STK3: variants seen among roughly 807,000 people sequenced by gnomAD.
STK3 encodes the protein serine/threonine kinase 3, also known as serine/threonine-protein kinase 3.
Under a neutral mutation model 58.0 loss-of-function variants are expected in STK3, and 41 were observed. The ratio of observed to expected loss-of-function variants is 0.71; its 90% CI spans 0.55 to 0.92. The LOEUF is 0.92. Ranked by LOEUF, STK3 falls within the 40% of genes least tolerant of loss-of-function variation. STK3 has a pLI of 0.00. For missense variants in STK3, 479 were observed against 602.7 expected, an observed-to-expected ratio of 0.79 and a Z score of 2.15; for synonymous variants, 170 against 191.0, an observed-to-expected ratio of 0.89 and a Z score of 0.91.
At chr8:98,857,496 T>C (rs1160288360) in intron 3 of STK3, among the ~76,000 whole-genome samples, 1 of 152,094 alleles carries the variant, frequency 6.6e-6, no homozygotes, top group Non-Finnish European at 1.5e-5. Context: ...GTATTTGCCT[T>C]ATTAACAAAT....
chr8:98,744,076 AAAC>A (rs1829459338), intron 4 of STK3, among the ~76,000 whole-genome samples: 1 of 152,038 alleles, frequency 6.6e-6, no homozygotes. Flanking sequence ...AAAAGTCAGG[AAAC>A]AACAGGTGCT....
At chr8:98,427,874 T>G in intron 3 of STK3, 8 of 883,492 alleles carry the variant, frequency 9.1e-6, no homozygotes, top group South Asian at 1.8e-5. Flanking sequence ...CAGTAATGGG[T>G]AGGGAGAGGG....
intron 6 of STK3, among the ~76,000 whole-genome samples, chr8:98,617,279 A>T (rs560678806): frequency 6.9e-6 from 1 of 144,274 alleles, no homozygotes; most frequent in Non-Finnish European, 1.5e-5. Flanking sequence ...ACAAAGACAC[A>T]ACATACCAGA....
At chr8:98,369,041 G>A (rs926988868), downstream of STK3, among the ~76,000 whole-genome samples, 1 of 152,190 alleles carries the variant, frequency 6.6e-6, no homozygotes, top group Non-Finnish European at 1.5e-5. Flanking sequence ...TCCAGTGGAA[G>A]TTTTCTGCTC....
In STK3 at chr8:98,483,926, C is replaced by T. The variant is rs923361955; in HGVS notation, c.1318-27926G>A. Among the ~76,000 whole-genome samples the T allele has an allele frequency of 3.3e-5, 5 of 152,116 alleles. No homozygotes were observed. In the East Asian group the frequency reaches 7.7e-4, roughly 24 times the overall value. ...ACACAGGAGTGTGTTTGAACACAGA[C>T]GGGTAGGACAGTCTCCAAAAAGCTA... On this transcript the variant is annotated intron_variant, in intron 10 of 10. Coordinates refer to ENST00000419617, the MANE Select transcript of STK3 (RefSeq NM_006281.4).
At chr8:98,933,326 G>A (rs577420340) in intron 1 of STK3, among the ~76,000 whole-genome samples, 38 of 152,208 alleles carry the variant, frequency 2.5e-4, no homozygotes, top group Non-Finnish European at 4.4e-4. Flanking sequence ...TATACAGACC[G>A]AAAAACATTA....
chr8:98,402,088 C>G (rs1446104910), intron 3 of STK3, among the ~76,000 whole-genome samples: 1 of 152,154 alleles, frequency 6.6e-6, no homozygotes, highest in African/African-American at 2.4e-5. Flanking sequence ...TATACTTCCC[C>G]AGGTATAATT....
At chr8:98,938,689 C>T (rs1475708460) in intron 1 of STK3, among the ~76,000 whole-genome samples, 1 of 152,096 alleles carries the variant, frequency 6.6e-6, no homozygotes, top group Non-Finnish European at 1.5e-5. Context: ...CTGGCCCACC[C>T]GTGGTCCCTC....
At chr8:98,690,449 CAA>C (rs34742964) in intron 6 of STK3, among the ~76,000 whole-genome samples, 1 of 108,776 alleles carries the variant, frequency 9.2e-6, no homozygotes, top group African/African-American at 3.5e-5. Flanking sequence ...CAATTCCTAC[CAA>C]AAAAAAAAAA....
intron 6 of STK3, among the ~76,000 whole-genome samples, chr8:98,700,210 C>G (rs553376903): frequency 3.3e-5 from 5 of 152,194 alleles, no homozygotes; most frequent in Non-Finnish European, 7.3e-5. Flanking sequence ...TTTTTTAAGC[C>G]CCTCGGAAAA....
intron 6 of STK3, among the ~76,000 whole-genome samples, chr8:98,603,721 A>C (rs1429606757): frequency 6.6e-6 from 1 of 151,996 alleles, no homozygotes; most frequent in Admixed American, 6.6e-5. Flanking sequence ...TCTCATGTTG[A>C]AATGTGGTCC....
intron 7 of STK3, among the ~76,000 whole-genome samples, chr8:98,592,045 T>C (rs192052298): frequency 6.6e-6 from 1 of 152,218 alleles, no homozygotes; most frequent in East Asian, 1.9e-4. Flanking sequence ...CCTTAACAAT[T>C]CACACCTGTA....
intron 4 of STK3, among the ~76,000 whole-genome samples, chr8:98,732,050 A>C (rs1465007946): frequency 6.6e-6 from 1 of 152,166 alleles, no homozygotes; most frequent in Non-Finnish European, 1.5e-5. Context: ...TAATCAAAAG[A>C]GTTCTTGTAA....
intron 1 of STK3, among the ~76,000 whole-genome samples, chr8:98,795,773 C>T (rs776088549): frequency 2.0e-5 from 3 of 151,796 alleles, no homozygotes; most frequent in South Asian, 2.1e-4. Flanking sequence ...GTCAAGAACA[C>T]GATCCCATTT....
At chr8:98,714,764 C>A (rs1826857593) in intron 4 of STK3, among the ~76,000 whole-genome samples, 1 of 152,150 alleles carries the variant, frequency 6.6e-6, no homozygotes, top group Non-Finnish European at 1.5e-5. Flanking sequence ...ACTTTCTTCA[C>A]AGAATTGGAA....
chr8:98,887,844 C>T (rs1838048242), intron 1 of STK3, among the ~76,000 whole-genome samples: 1 of 152,178 alleles, frequency 6.6e-6, no homozygotes, highest in Non-Finnish European at 1.5e-5. Flanking sequence ...GACAAAGTAC[C>T]ACAAAGCCAA....
intron 2 of STK3, among the ~76,000 whole-genome samples, chr8:98,375,018 T>C (rs1586541039): frequency 6.6e-6 from 1 of 151,902 alleles, no homozygotes; most frequent in East Asian, 1.9e-4. Flanking sequence ...GGTGGGAGGA[T>C]CACTGGAGCC....
chr8:98,919,520 C>T (rs1321070560), intron 1 of STK3, among the ~76,000 whole-genome samples: 1 of 151,970 alleles, frequency 6.6e-6, no homozygotes, highest in African/African-American at 2.4e-5. Context: ...AAGAAGGAAT[C>T]AGGGGAGGGG....
downstream of STK3, chr8:98,879,855 C>A (rs1351154445): frequency 1.3e-5 from 2 of 152,164 alleles, no homozygotes; most frequent in Non-Finnish European, 2.9e-5. Flanking sequence ...ACATGTTATT[C>A]AAACGTGCTA....
Sources: allele counts gnomAD v4.1 joint callset (sites outside exome capture counted in the v4.1 genomes callset), GRCh38; gene constraint gnomAD v4.1.1; transcripts MANE v1.5; gene names NCBI Gene and HGNC (gene_info 2026-07-23, HGNC 2026-07-21).